MAMDC2: variants seen among roughly 807,000 people sequenced by gnomAD.
MAMDC2 encodes MAM domain containing 2.
A neutral mutation model predicts 89.8 loss-of-function variants in MAMDC2; 57 were observed. The observed-to-expected ratio is 0.63, with a 90% CI of 0.51 to 0.79. MAMDC2 has a LOEUF of 0.79. Among genes scored for constraint, MAMDC2 ranks in the 30% least tolerant of loss-of-function variants. The pLI is 0.00. For missense variants in MAMDC2, 800 were observed against 820.6 expected (o/e 0.97, Z 0.31); for synonymous variants, 313 against 293.4 (o/e 1.07, Z -0.68).
intron 11 of MAMDC2, among the ~76,000 whole-genome samples, chr9:70,216,892 A>T (rs716535): frequency 0.069 from 10,484 of 152,252 alleles, 576 homozygotes; most frequent in East Asian, 0.22. Context: ...GGATGTACTG[A>T]CTTGTATACA....
At chr9:70,158,634 C>T (rs1227614708) in intron 9 of MAMDC2, among the ~76,000 whole-genome samples, 1 of 151,738 alleles carries the variant, frequency 6.6e-6, no homozygotes. Flanking sequence ...TGAATAAATA[C>T]ATTCAAATGT....
chr9:70,074,019 C>A (rs954313501), intron 2 of MAMDC2, among the ~76,000 whole-genome samples: 2 of 152,194 alleles, frequency 1.3e-5, no homozygotes, highest in Non-Finnish European at 2.9e-5. Context: ...GAAAAACAGA[C>A]ATGTAATAGT....
intron 9 of MAMDC2, chr9:70,153,233 G>T (rs2031637627): frequency 6.6e-6 from 1 of 152,140 alleles, no homozygotes; most frequent in South Asian, 2.1e-4. Flanking sequence ...TCCTCTTTAT[G>T]AAATAGAGAG....
chr9:70,182,572 A>G (rs1336962909), intron 11 of MAMDC2, among the ~76,000 whole-genome samples: 1 of 151,792 alleles, frequency 6.6e-6, no homozygotes, highest in Admixed American at 6.6e-5. Context: ...CTTCTTCCTG[A>G]TTTAGTCTTG....
Position 70,043,853 on chromosome 9 carries a change from C to G in MAMDC2, c.-345C>G, listed in dbSNP as rs369529271. On this transcript the variant is annotated 5_prime_UTR_variant, in exon 1 of 14. Transcript: ENST00000377182. ...GAGCGAAGGCACTGCGGGCCGACCT[C>G]TCCTCTCCCAGCCAGTCGTGGCTGG... 1 of 368,142 alleles carries G rather than the reference C, an allele frequency of 2.7e-6. No individual in the cohort carries two copies. The highest frequency in any genetic ancestry group is 2.1e-5 in the African/African-American group (1 of 48,576). 22.8% of individuals were successfully genotyped at this position (368,142 alleles called of 1,614,324 possible).
intron 12 of MAMDC2, among the ~76,000 whole-genome samples, chr9:70,222,064 G>A (rs532155947): frequency 2.0e-5 from 3 of 152,298 alleles, no homozygotes; most frequent in Admixed American, 6.5e-5. Flanking sequence ...AGGAGTGATG[G>A]CTTAGGCTAT....
At chr9:70,164,299 G>C (rs183996791) in intron 9 of MAMDC2, among the ~76,000 whole-genome samples, 92 of 152,284 alleles carry the variant, frequency 6.0e-4, no homozygotes, top group Admixed American at 1.6e-3. Flanking sequence ...TAAAAAGCAT[G>C]TATACTATGT....
intron 9 of MAMDC2, among the ~76,000 whole-genome samples, chr9:70,156,661 A>G (rs1563978884): frequency 6.6e-6 from 1 of 152,246 alleles, no homozygotes; most frequent in Non-Finnish European, 1.5e-5. Context: ...AAGGAAAATT[A>G]TACTGTCAAG....
At chr9:70,204,164 G>GT (rs1461082750) in intron 11 of MAMDC2, among the ~76,000 whole-genome samples, 1 of 150,400 alleles carries the variant, frequency 6.6e-6, no homozygotes, top group Non-Finnish European at 1.5e-5. Flanking sequence ...TTTCTGTTCT[G>GT]TTTTTTCCCC....
chr9:70,199,058 T>C (rs1007572145), intron 11 of MAMDC2, among the ~76,000 whole-genome samples: 1 of 816 alleles, frequency 1.2e-3, no homozygotes. Context: ...TTTTTTCGTT[T>C]GTTTTTTTTT....
intron 5 of MAMDC2, among the ~76,000 whole-genome samples, chr9:70,120,144 GT>G (rs952161742): frequency 4.6e-5 from 7 of 152,294 alleles, no homozygotes; most frequent in African/African-American, 1.7e-4. Flanking sequence ...AACTCTGGAA[GT>G]GCATTTCACT....
chr9:70,068,175 A>G (rs990851728), intron 2 of MAMDC2, among the ~76,000 whole-genome samples: 1 of 152,198 alleles, frequency 6.6e-6, no homozygotes, highest in Non-Finnish European at 1.5e-5. Flanking sequence ...GACTATAAAA[A>G]TATTTATTTT....
chr9:70,092,639 C>T (rs1827929553), intron 2 of MAMDC2: 3 of 152,172 alleles, frequency 2.0e-5, no homozygotes. Flanking sequence ...TGGGAGGAAA[C>T]AGACTTAATA....
chr9:70,044,237 G>A lies in MAMDC2; in HGVS notation c.34+6G>A, dbSNP rs377299488. 12 of 1,612,446 alleles carry A rather than the reference G, an allele frequency of 7.4e-6. No individual in the cohort carries two copies. The African/African-American group carries it at 1.3e-4, about 18-fold the overall frequency. On this transcript the variant is annotated splice_donor_region_variant and intron_variant, in intron 1 of 13. Transcript: ENST00000377182. ...CGTCCTCCTGGCGTTGCAAGGTAAG[G>A]CCTGGACCCCGGGACAACCCCGGGG...
At chr9:70,044,796 C>T (rs1826705749) in intron 2 of MAMDC2, 99 bp downstream of exon 2, 2 of 906,470 alleles carry the variant, frequency 2.2e-6, no homozygotes, top group East Asian at 5.3e-5. Context: ...AGTTAATTCT[C>T]CGCGGCAAGA....
chr9:70,146,262 A>G (rs991016450), intron 9 of MAMDC2, among the ~76,000 whole-genome samples: 1 of 152,164 alleles, frequency 6.6e-6, no homozygotes, highest in Non-Finnish European at 1.5e-5. Context: ...ACAGTTCCCC[A>G]CAACCACTTA....
Position 70,218,461 on chromosome 9 carries a change from G to T in MAMDC2, c.1776G>T (p.Gly592=), listed in dbSNP as rs200973856. The change falls in exon 12 of 14, where the codon GGG becomes GGT. Residue 592 remains glycine (G), a synonymous_variant. Transcript: ENST00000377182. ...CLTFFYHMYG[G]GTGLLSVYLK... is the part of the protein sequence containing the mutation. ...CCTTTTTCTACCACATGTATGGAGG[G>T]GGCACTGGCCTGCTGAGTGTTTATC... 13 of 1,614,168 alleles carry T rather than the reference G, an allele frequency of 8.1e-6. No individual in the cohort carries two copies. Among genetic ancestry groups the T allele is most frequent in the Middle Eastern group, 3.3e-4 (2 of 6,060 alleles).
At chr9:70,082,741 T>C (rs774753109) in intron 2 of MAMDC2, 1 of 152,154 alleles carries the variant, frequency 6.6e-6, no homozygotes, top group African/African-American at 2.4e-5. Flanking sequence ...TTTGGGTCTG[T>C]TTCTGGCATA....
intron 9 of MAMDC2, among the ~76,000 whole-genome samples, chr9:70,158,875 G>T (rs890871306): frequency 2.2e-4 from 33 of 152,042 alleles, no homozygotes; most frequent in African/African-American, 7.7e-4. Context: ...CAACACAATG[G>T]TAAGTATTTT....
Sources: allele counts gnomAD v4.1 joint callset (sites outside exome capture counted in the v4.1 genomes callset), GRCh38; gene constraint gnomAD v4.1.1; transcripts MANE v1.5; gene names NCBI Gene and HGNC (gene_info 2026-07-23, HGNC 2026-07-21).